Variants in ARID1B observed in about 807,000 individuals in gnomAD.
ARID1B encodes the protein AT-rich interactive domain-containing protein 1B.
Under a neutral mutation model 212.3 loss-of-function variants are expected in ARID1B, and 30 were observed. The ratio of observed to expected loss-of-function variants is 0.14; its 90% CI spans 0.11 to 0.19. The LOEUF is 0.19. ARID1B is among the 10% of genes least tolerant of loss of function. ARID1B has a pLI of 1.00. For missense variants in ARID1B, 2,891 were observed against 3,204.0 expected (o/e 0.90, Z 2.36); for synonymous variants, 1,402 against 1,301.7 (o/e 1.08, Z -1.66).
At chr6:157,128,235 A>G (rs1181023087) in intron 6 of ARID1B, among the ~76,000 whole-genome samples, 2 of 152,222 alleles carry the variant, frequency 1.3e-5, no homozygotes, top group Non-Finnish European at 2.9e-5. Context: ...AATATCCATA[A>G]TGGATTACTT....
chr6:157,047,574 T>C (rs1355970360), intron 4 of ARID1B, among the ~76,000 whole-genome samples: 1 of 152,172 alleles, frequency 6.6e-6, no homozygotes, highest in Non-Finnish European at 1.5e-5. Flanking sequence ...GGAGGGACCA[T>C]AATTTAGTGT....
intron 3 of ARID1B, among the ~76,000 whole-genome samples, chr6:156,925,918 G>T (rs745762962): frequency 6.6e-6 from 1 of 152,230 alleles, no homozygotes; most frequent in African/African-American, 2.4e-5. Flanking sequence ...CACATGTGAT[G>T]CACTCGTAGT....
Position 156,778,382 on chromosome 6 carries a change from C to A in ARID1B, c.702C>A (p.Gly234=). ...CGGGCGGCGGCGCGCCTCAGCCCGGCCCCGACATGGAGCAGCCGCAACATG... is the reference window on the plus strand; with the variant it reads ...CGGGCGGCGGCGCGCCTCAGCCCGGACCCGACATGGAGCAGCCGCAACATG... ...GGAGGGAPQP[G]PDMEQPQHGG... Residue 234 remains glycine (G), a synonymous_variant, in exon 1 of 20, where the codon GGC becomes GGA. Transcript: ENST00000636930. 1 of 1,537,012 alleles carries A rather than the reference C, an allele frequency of 6.5e-7. No individual in the cohort carries two copies.
intron 1 of ARID1B, among the ~76,000 whole-genome samples, chr6:156,821,224 G>A (rs149052308): frequency 6.6e-6 from 1 of 152,338 alleles, no homozygotes; most frequent in East Asian, 1.9e-4. Flanking sequence ...TGTCTGATAG[G>A]AGATGGGGAG....
At chr6:156,932,131 TAA>T (rs372027661) in intron 3 of ARID1B, among the ~76,000 whole-genome samples, 2,714 of 45,596 alleles carry the variant, frequency 0.06, 73 homozygotes, top group East Asian at 0.17. Context: ...CCTTGTTTCT[TAA>T]AAAAAAAAAA....
At chr6:157,196,987 G>A (rs563133494) in intron 16 of ARID1B, among the ~76,000 whole-genome samples, 2 of 152,312 alleles carry the variant, frequency 1.3e-5, no homozygotes, top group African/African-American at 4.8e-5. Context: ...TTTGTAACTA[G>A]ATAGGAGGAA....
At position 157,209,021 on chromosome 6, in the gene ARID1B, C is replaced by T. The variant is rs529147371; in HGVS notation, c.*1130C>T. ...TTGATTTAGAAAATGGTTACCAGTA[C>T]AGTCAAAAAAGAGAAAATGAAAAAA... On this transcript the variant is annotated 3_prime_UTR_variant, in exon 20 of 20. Coordinates refer to ENST00000636930, the MANE Select transcript of ARID1B (RefSeq NM_001374828.1). The T allele has an allele frequency of 4.5e-6, 1 of 224,244 alleles. No individual in the cohort carries two copies. Among genetic ancestry groups the T allele is most frequent in the Admixed American group, 5.9e-5 (1 of 16,982 alleles). The allele number at this position is 224,244 out of a possible 1,614,324, so 13.9% of individuals were successfully genotyped here.
At chr6:156,906,964 T>A (rs1321739730) in intron 3 of ARID1B, among the ~76,000 whole-genome samples, 1 of 152,216 alleles carries the variant, frequency 6.6e-6, no homozygotes, top group Non-Finnish European at 1.5e-5. Context: ...ACTTTGTATA[T>A]TAACTTTGTG....
chr6:157,084,994 T>TA lies in ARID1B; in HGVS notation c.2491+93dup, dbSNP rs1784874377. 2.0e-6 allele frequency: 3 copies of TA among 1,466,336 alleles called. No homozygotes were observed. The Admixed American group carries it at 6.7e-5, about 33-fold the overall frequency. The allele number at this position is 1,466,336 out of a possible 1,614,324, so 90.8% of individuals were successfully genotyped here. Reference sequence around the variant, plus strand: ...CAGTAACTCACATTACTTTACTATTTAAAACCTAGTGGCCACATATTAAGA... The same window carrying TA: ...CAGTAACTCACATTACTTTACTATTTAAAAACCTAGTGGCCACATATTAAGA... On this transcript the variant is annotated intron_variant, in intron 5 of 19. Coordinates refer to ENST00000636930, the MANE Select transcript of ARID1B (RefSeq NM_001374828.1).
intron 4 of ARID1B, chr6:157,036,689 AT>A (rs1781353067): frequency 2.7e-6 from 1 of 373,712 alleles, no homozygotes; most frequent in African/African-American, 2.1e-5. Context: ...ATACTCACAG[AT>A]CTCTCTTTCT....
At chr6:156,840,704 G>A (rs182061181) in intron 2 of ARID1B, among the ~76,000 whole-genome samples, 1 of 152,184 alleles carries the variant, frequency 6.6e-6, no homozygotes, top group Admixed American at 6.5e-5. Flanking sequence ...TGTTTTTAAT[G>A]CTGCTTTTAG....
chr6:156,964,447 G>A (rs970918415), intron 4 of ARID1B, among the ~76,000 whole-genome samples: 8 of 152,138 alleles, frequency 5.3e-5, no homozygotes, highest in African/African-American at 9.7e-5. Flanking sequence ...AAAAAGTCCC[G>A]TCATCCCTCA....
intron 2 of ARID1B, among the ~76,000 whole-genome samples, chr6:156,898,937 C>T (rs1788707014): frequency 6.6e-6 from 1 of 152,178 alleles, no homozygotes; most frequent in Admixed American, 6.5e-5. Context: ...CGCCATTGCA[C>T]TCCAGCTTGG....
At chr6:156,945,219 G>A (rs1388116788) in intron 4 of ARID1B, among the ~76,000 whole-genome samples, 7 of 120,160 alleles carry the variant, frequency 5.8e-5, no homozygotes, top group Non-Finnish European at 1.1e-4. Context: ...ACCGGTGTGA[G>A]CCCCCGCATC....
At chr6:156,828,331 C>A (rs992117836) in intron 1 of ARID1B, among the ~76,000 whole-genome samples, 2 of 152,176 alleles carry the variant, frequency 1.3e-5, no homozygotes, top group African/African-American at 4.8e-5. Context: ...CATGTACTTA[C>A]CTCAGTGTGA....
intron 4 of ARID1B, among the ~76,000 whole-genome samples, chr6:156,949,213 A>G (rs1479146309): frequency 6.6e-6 from 1 of 152,068 alleles, no homozygotes; most frequent in Non-Finnish European, 1.5e-5. Flanking sequence ...CTTAATTGGC[A>G]TTTTCTATGT....
At chr6:156,902,212 C>T (rs1210379757) in intron 3 of ARID1B, 1 of 152,180 alleles carries the variant, frequency 6.6e-6, no homozygotes, top group East Asian at 1.9e-4. Flanking sequence ...GTTTTAGAGA[C>T]TGTCACTCAT....
At chr6:156,903,428 G>T (rs1488661810) in intron 3 of ARID1B, among the ~76,000 whole-genome samples, 1 of 152,026 alleles carries the variant, frequency 6.6e-6, no homozygotes, top group Non-Finnish European at 1.5e-5. Context: ...TTTTTCTTGG[G>T]TTTGTACTCC....
At chr6:156,949,300 CG>C (rs989035088) in intron 4 of ARID1B, among the ~76,000 whole-genome samples, 32 of 152,058 alleles carry the variant, frequency 2.1e-4, no homozygotes, top group African/African-American at 7.7e-4. Flanking sequence ...TAAATATGCA[CG>C]TTGTTGTTTG....
Sources: allele counts gnomAD v4.1 joint callset (sites outside exome capture counted in the v4.1 genomes callset), GRCh38; gene constraint gnomAD v4.1.1; transcripts MANE v1.5; gene names NCBI Gene and HGNC (gene_info 2026-07-23, HGNC 2026-07-21).